Variants in SLC4A4 observed in about 807,000 individuals in gnomAD.
The protein encoded by SLC4A4 is solute carrier family 4 member 4, also known as electrogenic sodium bicarbonate cotransporter 1.
A neutral mutation model predicts 111.5 loss-of-function variants in SLC4A4; 27 were observed. The observed-to-expected ratio is 0.24, with a 90% CI of 0.18 to 0.33. The LOEUF (loss-of-function observed/expected upper bound fraction) is 0.33, where lower values mean the gene tolerates loss of function less well. Ranked by LOEUF, SLC4A4 falls within the 10% of genes least tolerant of loss-of-function variation. The probability of loss-of-function intolerance (pLI) is 1.00; values close to 1 mark genes in which losing one functional copy is unlikely to be tolerated. For synonymous variants in SLC4A4, 443 were observed against 463.4 expected (o/e 0.96, Z 0.57); for missense variants, 909 against 1,315.5 (o/e 0.69, Z 4.78).
Position 71,158,097 on chromosome 4 carries a change from C to CTGTGTG in SLC4A4, c.-2+65345_-2+65350dup, listed in dbSNP as rs139897656. Among the ~76,000 whole-genome samples, 412 of 137,168 alleles carry CTGTGTG rather than the reference C, an allele frequency of 3.0e-3. 5 individuals are homozygous for CTGTGTG. Among genetic ancestry groups the CTGTGTG allele is most frequent in the African/African-American group, 7.8e-3 (274 of 35,198 alleles). 90.0% of individuals were successfully genotyped at this position (137,168 alleles called of 152,430 possible). A position where few individuals can be genotyped will look rare whatever the true frequency, so the allele number is the denominator to read the frequency against. On this transcript the variant is annotated intron_variant, in intron 2 of 26. Coordinates refer to the SLC4A4 transcript ENST00000649996. ...ATGTCAGGCAAACACATCCTTGACT[C>CTGTGTG]TGTGTGTGTGTGTGTGTGTGTGTGT...
intron 1 of SLC4A4, among the ~76,000 whole-genome samples, chr4:71,080,777 C>T (rs1741974262): frequency 6.6e-6 from 1 of 151,958 alleles, no homozygotes; most frequent in African/African-American, 2.4e-5. Context: ...CCCACTAGTC[C>T]CTGCTTTAGG....
chr4:71,522,369 C>A (rs1172506055), intron 16 of SLC4A4, among the ~76,000 whole-genome samples: 1 of 152,180 alleles, frequency 6.6e-6, no homozygotes, highest in African/African-American at 2.4e-5. Context: ...TGATCATAAA[C>A]ATGGAACAAA....
At chr4:71,492,317 A>G (rs1730004695) in intron 15 of SLC4A4, among the ~76,000 whole-genome samples, 1 of 151,710 alleles carries the variant, frequency 6.6e-6, no homozygotes, top group African/African-American at 2.4e-5. Flanking sequence ...TTTAGGGAGG[A>G]TACTGTGGTC....
chr4:71,099,831 G>T (rs747684158), intron 2 of SLC4A4, among the ~76,000 whole-genome samples: 3 of 152,124 alleles, frequency 2.0e-5, no homozygotes, highest in African/African-American at 7.2e-5. Flanking sequence ...ACACCTCTAT[G>T]CACACAAACT....
intron 7 of SLC4A4, chr4:71,434,592 T>C (rs1049798619): frequency 6.6e-6 from 1 of 151,930 alleles, no homozygotes; most frequent in African/African-American, 2.4e-5. Flanking sequence ...GGAAACTGGA[T>C]GCACCCTCTT....
At chr4:71,181,927 G>A (rs1307992626) in intron 2 of SLC4A4, among the ~76,000 whole-genome samples, 1 of 152,116 alleles carries the variant, frequency 6.6e-6, no homozygotes, top group African/African-American at 2.4e-5. Flanking sequence ...GAGGTGAAAG[G>A]GAGTGCTGTT....
rs750909478 is a variant in SLC4A4 at position 71,453,576 on chromosome 4, A to G, written c.1404A>G (p.Gln468=). ...ATTTTTATGATGCTTTAAATATTCA[A>G]GCTCTTTCGGCAATTCTCTTCATTT... The part of the protein sequence containing the change: ...ASDFYDALNI[Q]ALSAILFIYL... Residue 468 remains glutamine (Q), a synonymous_variant, in exon 12 of 26, where the codon CAA becomes CAG. Transcript: ENST00000264485. 1.2e-6 allele frequency: 2 copies of G among 1,613,968 alleles called. No individual in the cohort carries two copies. The highest frequency in any genetic ancestry group is 8.5e-7 in the Non-Finnish European group (1 of 1,179,882).
At chr4:71,084,285 A>G (rs1742083082) in intron 1 of SLC4A4, among the ~76,000 whole-genome samples, 2 of 152,106 alleles carry the variant, frequency 1.3e-5, no homozygotes, top group East Asian at 1.9e-4. Context: ...ATTTCACTAC[A>G]TTAAACACAA....
chr4:71,419,947 G>A (rs939327407), intron 7 of SLC4A4, among the ~76,000 whole-genome samples: 1 of 152,172 alleles, frequency 6.6e-6, no homozygotes, highest in South Asian at 2.1e-4. Flanking sequence ...CTCCTCCAAA[G>A]GAAAGCAGTT....
intron 7 of SLC4A4, among the ~76,000 whole-genome samples, chr4:71,427,107 CA>C: frequency 6.6e-6 from 1 of 152,036 alleles, no homozygotes. Flanking sequence ...ATATAATTGT[CA>C]CTCAAATTAT....
chr4:71,539,215 A>G (rs1734832906), intron 18 of SLC4A4, among the ~76,000 whole-genome samples: 2 of 151,904 alleles, frequency 1.3e-5, no homozygotes, highest in African/African-American at 4.8e-5. Context: ...CTTTTATTTT[A>G]TGCCTAGACT....
chr4:71,412,713 T>C (rs4314260), intron 7 of SLC4A4, among the ~76,000 whole-genome samples: 29,987 of 151,954 alleles, frequency 0.2, 3,304 homozygotes, highest in South Asian at 0.42. Flanking sequence ...AGCACAGAAA[T>C]GGAGTATGAA....
rs1180993467 is a variant in SLC4A4 at position 71,443,083 on chromosome 4, A to ACTCTCTCTCTCTCT, written c.965+2331_965+2344dup. 7.3e-4 allele frequency among the ~76,000 whole-genome samples: 23 copies of ACTCTCTCTCTCTCT among 31,440 alleles called. 1 individual carries two copies. Among genetic ancestry groups the ACTCTCTCTCTCTCT allele is most frequent in the African/African-American group, 3.7e-3 (19 of 5,172 alleles). 20.6% of individuals were successfully genotyped at this position (31,440 alleles called of 152,430 possible). A position where few individuals can be genotyped will look rare whatever the true frequency, so the allele number is the denominator to read the frequency against. On this transcript the variant is annotated intron_variant, in intron 8 of 25. Transcript: ENST00000264485. ...CTTATGTCTATCCACAGAGGCCACT[A>ACTCTCTCTCTCTCT]CTCTCTCTCTCTCTCTCTCTCTCTC...
At chr4:71,551,864 T>C (rs1397347944) in intron 20 of SLC4A4, among the ~76,000 whole-genome samples, 1 of 151,920 alleles carries the variant, frequency 6.6e-6, no homozygotes, top group Admixed American at 6.6e-5. Flanking sequence ...CCTTATCAGC[T>C]TAGATTTTCA....
At chr4:71,354,325 T>C (rs776670579) in intron 5 of SLC4A4, among the ~76,000 whole-genome samples, 90 of 152,346 alleles carry the variant, frequency 5.9e-4, no homozygotes, top group Non-Finnish European at 1.0e-3. Context: ...ATTGGTCCTA[T>C]TGTTTCTTAC....
intron 2 of SLC4A4, among the ~76,000 whole-genome samples, chr4:71,162,304 A>G (rs1434703564): frequency 6.6e-6 from 1 of 152,204 alleles, no homozygotes; most frequent in Non-Finnish European, 1.5e-5. Flanking sequence ...TAGGAGAGCC[A>G]TGCTTTGAAT....
chr4:71,119,477 G>A (rs955419513), intron 2 of SLC4A4, among the ~76,000 whole-genome samples: 23 of 152,052 alleles, frequency 1.5e-4, no homozygotes, highest in African/African-American at 5.6e-4. Flanking sequence ...AAACTCCTAG[G>A]TTCAAATGAT....
chr4:71,140,575 C>A (rs969806709), intron 2 of SLC4A4, among the ~76,000 whole-genome samples: 5 of 152,100 alleles, frequency 3.3e-5, no homozygotes, highest in Admixed American at 6.5e-5. Context: ...TTTGATTTTT[C>A]CTTCCAAAGC....
intron 2 of SLC4A4, among the ~76,000 whole-genome samples, chr4:71,118,134 C>A (rs561039817): frequency 7.9e-5 from 12 of 152,308 alleles, no homozygotes; most frequent in South Asian, 2.1e-4. Flanking sequence ...CCTAGGGCCT[C>A]CCACAGTGCT....
Sources: gnomAD v4.1 joint callset for allele counts (sites outside exome capture counted in the v4.1 genomes callset) on GRCh38, gnomAD v4.1.1 for gene constraint, MANE v1.5 for transcripts, NCBI Gene and HGNC (gene_info 2026-07-23, HGNC 2026-07-21) for gene names.